Variants in KIAA1217 observed in about 807,000 individuals in gnomAD.
KIAA1217 encodes sickle tail protein homolog.
Under a neutral mutation model 163.9 loss-of-function variants are expected in KIAA1217, and 88 were observed. The observed-to-expected ratio is 0.54, with a 90% CI of 0.45 to 0.64. The LOEUF (loss-of-function observed/expected upper bound fraction) is 0.64, where lower values mean the gene tolerates loss of function less well. KIAA1217 is among the 30% of genes least tolerant of loss of function. The pLI, the probability that KIAA1217 is intolerant of heterozygous loss-of-function variation, is 0.00. For synonymous variants in KIAA1217, 903 were observed against 923.1 expected (o/e 0.98, Z 0.39); for missense variants, 2,372 against 2,475.0 (o/e 0.96, Z 0.88).
chr10:23,921,527 C>G (rs533656297), intron 1 of KIAA1217, among the ~76,000 whole-genome samples: 1 of 152,298 alleles, frequency 6.6e-6, no homozygotes, highest in East Asian at 1.9e-4. Context: ...ATTTCTTAAG[C>G]TTCACCAAAT....
chr10:23,767,572 T>C (rs1226802187), intron 1 of KIAA1217, among the ~76,000 whole-genome samples: 1 of 152,002 alleles, frequency 6.6e-6, no homozygotes, highest in South Asian at 2.1e-4. Flanking sequence ...CCCATCTCAT[T>C]TTTTTTAAAA....
intron 1 of KIAA1217, among the ~76,000 whole-genome samples, chr10:23,844,051 A>G (rs1838910064): frequency 1.3e-5 from 2 of 152,182 alleles, no homozygotes; most frequent in South Asian, 2.1e-4. Flanking sequence ...TATAGCTACA[A>G]GGTATGAAAA....
chr10:24,407,833 C>T (rs978261343), intron 3 of KIAA1217, among the ~76,000 whole-genome samples: 5 of 152,034 alleles, frequency 3.3e-5, no homozygotes, highest in African/African-American at 4.8e-5. Context: ...CAGGCGGACC[C>T]GTGAAAAGCG....
chr10:24,216,524 C>A (rs1482203424), intron 1 of KIAA1217, among the ~76,000 whole-genome samples: 1 of 152,008 alleles, frequency 6.6e-6, no homozygotes, highest in Non-Finnish European at 1.5e-5. Context: ...TCTTCCAATT[C>A]CACTTAAAAG....
intron 2 of KIAA1217, among the ~76,000 whole-genome samples, chr10:24,046,047 C>T (rs1181006711): frequency 6.6e-6 from 1 of 152,138 alleles, no homozygotes; most frequent in Non-Finnish European, 1.5e-5. Flanking sequence ...TCTTCCTGGG[C>T]TTTCTGGTTC....
chr10:23,711,806 T>A (rs1049016384), intron 1 of KIAA1217, among the ~76,000 whole-genome samples: 4 of 152,122 alleles, frequency 2.6e-5, no homozygotes, highest in African/African-American at 9.7e-5. Context: ...AAACAGAAGC[T>A]AATTAAGGTG....
At chr10:24,436,615 G>A (rs569652031) in intron 4 of KIAA1217, among the ~76,000 whole-genome samples, 7 of 151,894 alleles carry the variant, frequency 4.6e-5, no homozygotes, top group Admixed American at 1.3e-4. Context: ...AAAATTAGCC[G>A]GGCGTGGTGG....
intron 2 of KIAA1217, among the ~76,000 whole-genome samples, chr10:24,125,320 CTCTGTGTG>C (rs1280081331): frequency 2.5e-3 from 231 of 92,256 alleles, no homozygotes; most frequent in African/African-American, 9.8e-3. Context: ...GAATCCTATG[CTCTGTGTG>C]TGTGTGTGTG....
chr10:24,177,361 G>A (rs1465095473), intron 2 of KIAA1217, among the ~76,000 whole-genome samples: 3 of 129,244 alleles, frequency 2.3e-5, no homozygotes, highest in South Asian at 4.9e-4. Context: ...TATCATATGT[G>A]TATATATATA....
intron 2 of KIAA1217, among the ~76,000 whole-genome samples, chr10:24,160,870 C>A (rs1291229770): frequency 6.6e-6 from 1 of 152,182 alleles, no homozygotes; most frequent in Non-Finnish European, 1.5e-5. Flanking sequence ...CCTGACTTTG[C>A]TGTGGCTAAA....
At position 24,256,277 on chromosome 10, in the gene KIAA1217, T is replaced by C. The variant is rs562341876; in HGVS notation, c.354+36368T>C. On this transcript the variant is annotated intron_variant, in intron 2 of 20. Transcript: ENST00000376454. ...GGCTTGGAGCCCATAGTGGCAATCC[T>C]TGGAGTGGAGGCAGCAGAGATCTCA... 4.5e-4 allele frequency among the ~76,000 whole-genome samples: 69 copies of C among 152,272 alleles called. 1 individual carries two copies. Among genetic ancestry groups the C allele is most frequent in the Admixed American group, 7.8e-4 (12 of 15,298 alleles).
chr10:24,420,999 T>TTGTG (rs145524305), intron 3 of KIAA1217, among the ~76,000 whole-genome samples: 17,762 of 152,088 alleles, frequency 0.12, 2,568 homozygotes, highest in African/African-American at 0.34. Flanking sequence ...TTTTGTTTGT[T>TTGTG]TGTTTGTTTG....
chr10:23,963,621 G>A (rs1040549565), intron 1 of KIAA1217, among the ~76,000 whole-genome samples: 1 of 152,164 alleles, frequency 6.6e-6, no homozygotes, highest in African/African-American at 2.4e-5. Flanking sequence ...AATCCTTTGA[G>A]TATATACCCA....
intron 2 of KIAA1217, among the ~76,000 whole-genome samples, chr10:24,171,228 TTCA>T (rs1482191624): frequency 6.6e-6 from 1 of 152,234 alleles, no homozygotes; most frequent in Admixed American, 6.5e-5. Flanking sequence ...CATCATCTTC[TTCA>T]TCATCAGCTT....
chr10:23,818,644 G>C (rs959682282), intron 1 of KIAA1217, among the ~76,000 whole-genome samples: 1 of 152,028 alleles, frequency 6.6e-6, no homozygotes, highest in South Asian at 2.1e-4. Flanking sequence ...GCACCTTCTT[G>C]CTCCTTAGTG....
chr10:24,313,182 G>A (rs2042927492), intron 2 of KIAA1217, among the ~76,000 whole-genome samples: 1 of 152,198 alleles, frequency 6.6e-6, no homozygotes, highest in Non-Finnish European at 1.5e-5. Context: ...CAAATCAACA[G>A]TAGAGCGGGA....
intron 1 of KIAA1217, among the ~76,000 whole-genome samples, chr10:23,698,001 T>A (rs1164664875): frequency 6.6e-6 from 1 of 152,226 alleles, no homozygotes; most frequent in Non-Finnish European, 1.5e-5. Flanking sequence ...TGGTTTTAGT[T>A]TTTGGAAACT....
chr10:24,239,690 TG>T (rs1350108364), intron 2 of KIAA1217, among the ~76,000 whole-genome samples: 5 of 138,104 alleles, frequency 3.6e-5, no homozygotes, highest in African/African-American at 1.1e-4. Context: ...TGTGTGTGTG[TG>T]TGTGTTTGTG....
chr10:24,335,299 T>TC (rs1174539438), intron 2 of KIAA1217, among the ~76,000 whole-genome samples: 5 of 151,220 alleles, frequency 3.3e-5, no homozygotes, highest in Non-Finnish European at 7.4e-5. Context: ...GGAGGGTTTT[T>TC]TTTTTTTTTT....
Sources: allele counts gnomAD v4.1 joint callset (sites outside exome capture counted in the v4.1 genomes callset), GRCh38; gene constraint gnomAD v4.1.1; transcripts MANE v1.5; gene names NCBI Gene and HGNC (gene_info 2026-07-23, HGNC 2026-07-21).